PTK2B: variants seen among roughly 807,000 people sequenced by gnomAD.
PTK2B encodes protein-tyrosine kinase 2-beta.
A neutral mutation model predicts 142.9 loss-of-function variants in PTK2B; 71 were observed. That is an observed-to-expected ratio of 0.50 (90% CI 0.41 to 0.61). The LOEUF is 0.61. Ranked by LOEUF, PTK2B falls within the 20% of genes least tolerant of loss-of-function variation. The pLI is 0.00. For synonymous variants in PTK2B, 519 were observed against 503.4 expected (o/e 1.03, Z -0.42); for missense variants, 1,105 against 1,320.4 (o/e 0.84, Z 2.53).
At chr8:27,427,079 G>A (rs1487774217) in intron 5 of PTK2B, among the ~76,000 whole-genome samples, 1 of 152,172 alleles carries the variant, frequency 6.6e-6, no homozygotes, top group Non-Finnish European at 1.5e-5. Context: ...CCGTGGGTGG[G>A]TGATGCATCC....
chr8:27,401,872 G>A (rs1808405519), intron 2 of PTK2B, among the ~76,000 whole-genome samples: 1 of 152,324 alleles, frequency 6.6e-6, no homozygotes, highest in East Asian at 1.9e-4. Flanking sequence ...TTATAGCCAT[G>A]GGGATAGTGA....
rs745983491 is a variant in PTK2B at position 27,454,517 on chromosome 8, C to T, written c.2734-14C>T. 6.8e-6 allele frequency: 11 copies of T among 1,613,522 alleles called. No individual in the cohort carries two copies. In the South Asian group the frequency reaches 1.2e-4, roughly 18 times the overall value. ...GCTAGGAGTGGCGGCCATCCTGCCC[C>T]TTTCTCCCCCCAGAATGTGGGGCTG... On this transcript the variant is annotated splice_polypyrimidine_tract_variant and intron_variant, in intron 29 of 30. Coordinates refer to ENST00000346049, the MANE Select transcript of PTK2B (RefSeq NM_173176.3).
In PTK2B at chr8:27,430,948, A is replaced by G; in HGVS notation, c.742A>G (p.Met248Val). Residue 248 changes from methionine to valine, a missense_variant, in exon 8 of 31, where the codon ATG (methionine) becomes GTG (valine). Physicochemically the swap from Met to Val is conservative, Grantham distance 21. Coordinates refer to ENST00000346049, the MANE Select transcript of PTK2B (RefSeq NM_173176.3). ...CTCGCTCAGGGAGGAGGAGTGCGTC[A>G]TGAAGTTCTTCAACACTCTCGCCGG... ...YASLREEECV[M>V]KFFNTLAGFA... The G allele has an allele frequency of 6.2e-7, 1 of 1,614,230 alleles. No homozygotes were observed. The highest frequency in any genetic ancestry group is 8.5e-7 in the Non-Finnish European group (1 of 1,180,046).
Position 27,363,052 on chromosome 8 carries a change from G to A in PTK2B, c.-37-34496G>A, listed in dbSNP as rs117201607. Reference sequence around the variant, plus strand: ...CTTGGATAGCATCACTCCTGTTCTCGTCATGGTGGAAAATGACTAAAAACT... The same window carrying A: ...CTTGGATAGCATCACTCCTGTTCTCATCATGGTGGAAAATGACTAAAAACT... On this transcript the variant is annotated intron_variant, in intron 1 of 30. Transcript: ENST00000346049. This position sits in a 1 kb window ranked among gnomAD's most constrained non-coding sequence, Gnocchi z 4.3. 1.7e-4 allele frequency among the ~76,000 whole-genome samples: 26 copies of A among 152,292 alleles called. No homozygotes were observed. The highest frequency in any genetic ancestry group is 3.1e-4 in the African/African-American group (13 of 41,570).
chr8:27,420,825 A>G, intron 4 of PTK2B, 81 bp downstream of exon 4: 2 of 1,307,856 alleles, frequency 1.5e-6, no homozygotes, highest in Admixed American at 1.9e-5. Context: ...TCCTAGGGAG[A>G]TGGAAAGACA....
At chr8:27,413,228 C>G (rs1282521238) in intron 2 of PTK2B, among the ~76,000 whole-genome samples, 1 of 152,202 alleles carries the variant, frequency 6.6e-6, no homozygotes, top group African/African-American at 2.4e-5. Context: ...TGTAGTATTG[C>G]TGCCCCATCA....
chr8:27,411,971 T>C (rs1340641894), intron 2 of PTK2B, among the ~76,000 whole-genome samples: 1 of 152,196 alleles, frequency 6.6e-6, no homozygotes, highest in Non-Finnish European at 1.5e-5. Context: ...CTTACAGTTT[T>C]ATCATATAAA....
intron 2 of PTK2B, among the ~76,000 whole-genome samples, chr8:27,406,659 G>A (rs1808732806): frequency 6.6e-6 from 1 of 152,124 alleles, no homozygotes. Flanking sequence ...CGATGATTGG[G>A]GCTGGGGCTT....
intron 1 of PTK2B, among the ~76,000 whole-genome samples, chr8:27,374,894 ATG>A (rs10561086): frequency 0.012 from 1,864 of 152,330 alleles, 34 homozygotes; most frequent in African/African-American, 0.043. Context: ...GCACTGCACT[ATG>A]TGATGTCTGC....
At chr8:27,331,321 T>C (rs2130838545) in intron 1 of PTK2B, among the ~76,000 whole-genome samples, 1 of 152,224 alleles carries the variant, frequency 6.6e-6, no homozygotes, top group East Asian at 1.9e-4. Flanking sequence ...ATGGGGGTGA[T>C]TGATGGGGAG....
At position 27,439,279 on chromosome 8, in the gene PTK2B, C is replaced by G. The variant is rs200785839; in HGVS notation, c.1745-30C>G. 12 of 1,587,898 alleles carry G rather than the reference C, an allele frequency of 7.6e-6. No individual in the cohort carries two copies. In the East Asian group the frequency reaches 2.7e-4, roughly 36 times the overall value. Reference sequence around the variant, plus strand: ...TCTGGATAATTCTGATCTTTCTTCCCTAAAAATCAACCTCTTTGCCCACCC... The same window carrying G: ...TCTGGATAATTCTGATCTTTCTTCCGTAAAAATCAACCTCTTTGCCCACCC... On this transcript the variant is annotated intron_variant, in intron 19 of 30. Coordinates refer to ENST00000346049, the MANE Select transcript of PTK2B (RefSeq NM_173176.3).
chr8:27,436,995 G>A (rs766293798), intron 15 of PTK2B, 127 bp from the exon 16 acceptor site: 14 of 811,088 alleles, frequency 1.7e-5, no homozygotes, highest in Non-Finnish European at 3.0e-5. Context: ...GGGAGAAGAA[G>A]AGAGACATAG....
At chr8:27,380,412 TG>T (rs1806940664) in intron 1 of PTK2B, among the ~76,000 whole-genome samples, 1 of 152,190 alleles carries the variant, frequency 6.6e-6, no homozygotes, top group African/African-American at 2.4e-5. Context: ...AGAGAAGAGC[TG>T]CCTGCAGGGG....
Position 27,458,480 on chromosome 8 carries a change from G to A in PTK2B, c.3001G>A (p.Ala1001Thr), listed in dbSNP as rs1382298398. Residue 1001 changes from alanine to threonine, a missense_variant, in exon 31 of 31, where the codon GCC becomes ACC. Coordinates refer to ENST00000346049, the MANE Select transcript of PTK2B (RefSeq NM_173176.3). ...CGCTGTGGACCAGGCCAAGGTTCTG[G>A]CCAATCTGGCCCACCCACCTGCAGA... is the stretch of plus-strand genomic sequence containing the variant. ...LDAVDQAKVL[A>T]NLAHPPAE 1 of 1,586,480 alleles carries A rather than the reference G, an allele frequency of 6.3e-7. No homozygotes were observed. The highest frequency in any genetic ancestry group is 2.3e-5 in the East Asian group (1 of 43,596).
intron 1 of PTK2B, among the ~76,000 whole-genome samples, chr8:27,383,089 T>A (rs915400973): frequency 6.6e-5 from 10 of 152,112 alleles, no homozygotes; most frequent in Non-Finnish European, 1.0e-4. Flanking sequence ...CATATTTCTG[T>A]GAAGAATATC....
At chr8:27,313,660 C>T (rs1476426916) in intron 3 of PTK2B, among the ~76,000 whole-genome samples, 3 of 152,176 alleles carry the variant, frequency 2.0e-5, no homozygotes, top group Non-Finnish European at 4.4e-5. Context: ...AATTTGTACA[C>T]ATGCCCATCT....
At chr8:27,413,825 C>T (rs1809215412) in intron 2 of PTK2B, among the ~76,000 whole-genome samples, 1 of 152,228 alleles carries the variant, frequency 6.6e-6, no homozygotes, top group African/African-American at 2.4e-5. Flanking sequence ...AATCAACCAA[C>T]ACTGAGTTTG....
At chr8:27,355,294 A>G (rs1805332551) in intron 1 of PTK2B, among the ~76,000 whole-genome samples, 1 of 152,192 alleles carries the variant, frequency 6.6e-6, no homozygotes, top group African/African-American at 2.4e-5. Flanking sequence ...AGGCAGTGCA[A>G]CAACAGAAGC....
At chr8:27,431,342 T>C (rs1454159435) in intron 8 of PTK2B, 56 bp from the exon 9 acceptor site, 1 of 1,613,124 alleles carries the variant, frequency 6.2e-7, no homozygotes, top group Admixed American at 1.7e-5. Flanking sequence ...TCTTCAAGTT[T>C]CTGAAGAATG....
Sources: allele counts gnomAD v4.1 joint callset (sites outside exome capture counted in the v4.1 genomes callset), GRCh38; gene constraint gnomAD v4.1.1; non-coding constraint Gnocchi (gnomAD v3.1); transcripts MANE v1.5; gene names NCBI Gene and HGNC (gene_info 2026-07-23, HGNC 2026-07-21).